Variants in PAMR1 observed in about 807,000 individuals in gnomAD.
PAMR1 encodes inactive serine protease PAMR1.
PAMR1 carries 88 observed loss-of-function variants against 81.8 expected under a neutral mutation model. The ratio of observed to expected loss-of-function variants is 1.08; its 90% confidence interval spans 0.91 to 1.28. PAMR1 has a LOEUF of 1.28. PAMR1 is among the 50% of genes most tolerant of loss of function. PAMR1 has a pLI of 0.00. For synonymous variants in PAMR1, 336 were observed against 345.3 expected (o/e 0.97, Z 0.30); for missense variants, 935 against 919.7 (o/e 1.02, Z -0.21).
chr11:35,451,879 A>G lies in PAMR1; in HGVS notation c.821-10186T>C, dbSNP rs1475285087. On this transcript the variant is annotated intron_variant, in intron 6 of 10. Coordinates refer to ENST00000619888, the MANE Select transcript of PAMR1 (RefSeq NM_001001991.3). ...CAGCAAGAAGTCAGCATCTGAAGCA[A>G]GCCCTCACCAGACAATGAATCTTCT... The G allele has an allele frequency of 5.7e-6, 4 of 706,268 alleles. No homozygotes were observed. In the East Asian group the frequency reaches 1.1e-4, roughly 19 times the overall value. 43.8% of individuals were successfully genotyped at this position (706,268 alleles called of 1,614,324 possible).
intron 8 of PAMR1, among the ~76,000 whole-genome samples, chr11:35,437,385 A>G (rs534791284): frequency 8.6e-4 from 131 of 152,374 alleles, no homozygotes; most frequent in Admixed American, 3.9e-3. Flanking sequence ...TGTCCCCCCA[A>G]TACCAATATA....
chr11:35,479,938 T>C (rs570350882), intron 3 of PAMR1, among the ~76,000 whole-genome samples: 2 of 152,308 alleles, frequency 1.3e-5, no homozygotes, highest in African/African-American at 2.4e-5. Flanking sequence ...AAGTACTACG[T>C]GTTGGCTTTT....
At chr11:35,528,094 C>T (rs1436343851), upstream of PAMR1, among the ~76,000 whole-genome samples, 1 of 152,014 alleles carries the variant, frequency 6.6e-6, no homozygotes, top group Non-Finnish European at 1.5e-5. Context: ...GAATGGGGCT[C>T]TAAGTGATGA....
intron 6 of PAMR1, chr11:35,451,973 C>T (rs1235274371): frequency 1.5e-6 from 1 of 669,726 alleles, no homozygotes; most frequent in South Asian, 1.7e-5. Flanking sequence ...TTAAGTCACC[C>T]AGTCTATGGT....
chr11:35,437,648 C>T (rs776540903), intron 8 of PAMR1, among the ~76,000 whole-genome samples: 1 of 152,268 alleles, frequency 6.6e-6, no homozygotes, highest in Non-Finnish European at 1.5e-5. Context: ...CCAACAGATA[C>T]TTAAAACCAA....
At chr11:35,434,432 C>G (rs1855984488) in intron 10 of PAMR1, 80 bp downstream of exon 10, 2 of 1,398,530 alleles carry the variant, frequency 1.4e-6, no homozygotes, top group Non-Finnish European at 9.9e-7. Context: ...GGGGACAGAG[C>G]TTGGTATAAT....
chr11:35,476,392 T>C (rs1211890128), intron 3 of PAMR1, among the ~76,000 whole-genome samples: 4 of 152,200 alleles, frequency 2.6e-5, no homozygotes, highest in Admixed American at 2.6e-4. Flanking sequence ...AAGGTTACTT[T>C]CATGCTGTTC....
intron 6 of PAMR1, among the ~76,000 whole-genome samples, chr11:35,464,251 A>G (rs1226580333): frequency 1.3e-5 from 2 of 152,242 alleles, no homozygotes; most frequent in African/African-American, 4.8e-5. Flanking sequence ...TGAATATATA[A>G]TTATATTAAC....
At chr11:35,456,320 G>A (rs1319876891) in intron 6 of PAMR1, among the ~76,000 whole-genome samples, 1 of 152,160 alleles carries the variant, frequency 6.6e-6, no homozygotes, top group Non-Finnish European at 1.5e-5. Flanking sequence ...CCCAGAAGTT[G>A]ACTGTAGTCG....
At chr11:35,447,175 A>G (rs568213080) in intron 6 of PAMR1, among the ~76,000 whole-genome samples, 38 of 116,486 alleles carry the variant, frequency 3.3e-4, no homozygotes, top group Admixed American at 8.2e-4. Flanking sequence ...CTGCTTTCCT[A>G]TTTGCTTGGT....
At chr11:35,524,861 A>G (rs1464719349) in intron 1 of PAMR1, among the ~76,000 whole-genome samples, 2 of 152,148 alleles carry the variant, frequency 1.3e-5, no homozygotes, top group African/African-American at 4.8e-5. Flanking sequence ...AAAACCAAAG[A>G]AGCCAGAGCT....
intron 1 of PAMR1, among the ~76,000 whole-genome samples, chr11:35,517,242 G>A (rs990020810): frequency 6.6e-6 from 1 of 152,216 alleles, no homozygotes; most frequent in East Asian, 1.9e-4. Flanking sequence ...AAATTGATTA[G>A]TGCTGGCAAG....
chr11:35,498,163 AATT>A (rs1365495941), intron 1 of PAMR1, among the ~76,000 whole-genome samples: 3 of 152,214 alleles, frequency 2.0e-5, no homozygotes, highest in Non-Finnish European at 4.4e-5. Context: ...CCATTATTCA[AATT>A]ATTCAAATTT....
At chr11:35,473,396 G>A (rs1008243610) in intron 4 of PAMR1, among the ~76,000 whole-genome samples, 1 of 152,128 alleles carries the variant, frequency 6.6e-6, no homozygotes, top group African/African-American at 2.4e-5. Context: ...GCTCCTCAGA[G>A]GCCCAGAGGG....
chr11:35,497,631 G>A (rs1393144009), intron 1 of PAMR1, among the ~76,000 whole-genome samples: 1 of 152,128 alleles, frequency 6.6e-6, no homozygotes. Flanking sequence ...TTACCCCTTA[G>A]CTCTCCCTTC....
intron 3 of PAMR1, among the ~76,000 whole-genome samples, chr11:35,485,491 C>A (rs1301584073): frequency 3.3e-5 from 5 of 152,126 alleles, no homozygotes. Flanking sequence ...GATTACTAAA[C>A]CAATCTTTCC....
chr11:35,452,015 C>A, intron 6 of PAMR1: 2 of 523,216 alleles, frequency 3.8e-6, no homozygotes, highest in Non-Finnish European at 6.8e-6. Context: ...CTGACTAAGA[C>A]AGAAGGCAAG....
chr11:35,525,969 G>A (rs1356318954), upstream of PAMR1: 2 of 240,832 alleles, frequency 8.3e-6, no homozygotes, highest in Non-Finnish European at 8.2e-6. Context: ...AGGGCTGCGG[G>A]GCGCTCAGGT....
intron 3 of PAMR1, among the ~76,000 whole-genome samples, chr11:35,486,843 T>A (rs143514682): frequency 6.6e-6 from 1 of 152,320 alleles, no homozygotes; most frequent in Non-Finnish European, 1.5e-5. Flanking sequence ...ACAAACCCCC[T>A]TACTCACATG....
Sources: gnomAD v4.1 joint callset for allele counts (sites outside exome capture counted in the v4.1 genomes callset) on GRCh38, gnomAD v4.1.1 for gene constraint, MANE v1.5 for transcripts, NCBI Gene and HGNC (gene_info 2026-07-23, HGNC 2026-07-21) for gene names.